Variants in FLOT1 observed in about 807,000 individuals in gnomAD.
FLOT1 encodes the protein flotillin-1.
Under a neutral mutation model 58.4 loss-of-function variants are expected in FLOT1, and 40 were observed. That is an observed-to-expected ratio of 0.69 (90% CI 0.53 to 0.89). The LOEUF is 0.89. Ranked by LOEUF, FLOT1 falls within the 40% of genes least tolerant of loss-of-function variation. FLOT1 has a pLI of 0.00. For synonymous variants in FLOT1, 178 were observed against 204.2 expected, an observed-to-expected ratio of 0.87 and a Z score of 1.09; for missense variants, 423 against 540.8, an observed-to-expected ratio of 0.78 and a Z score of 2.16.
intron 8 of FLOT1, among the ~76,000 whole-genome samples, chr6:30,731,612 C>A (rs977130420): frequency 5.3e-5 from 8 of 152,114 alleles, no homozygotes; most frequent in Non-Finnish European, 8.8e-5. Flanking sequence ...CCCACGTGTG[C>A]CCCCTTCTAG....
rs1562187976 is a variant in FLOT1, at chr6:30,737,211, TCCGTCCGTCCGTCCGTCC to T, written c.723+2929_723+2946del. 5.3e-5 allele frequency among the ~76,000 whole-genome samples: 4 copies of T among 76,176 alleles called. No individual in the cohort carries two copies. The highest frequency in any genetic ancestry group is 1.8e-4 in the African/African-American group (4 of 21,744). The allele number at this position is 76,176 out of a possible 152,430, so 50.0% of individuals were successfully genotyped here. A position where few individuals can be genotyped will look rare whatever the true frequency, so the allele number is the denominator to read the frequency against. ...TGACTGACTGACTGACTGTCTGTCG[TCCGTCCGTCCGTCCGTCC>T]GTCCGTCCGTCCGTCCGTCCATCCG... On this transcript the variant is annotated intron_variant, in intron 8 of 12. Transcript: ENST00000376389. The surrounding 1 kb of genome is among the most constrained non-coding windows in gnomAD (Gnocchi z 4.4).
intron 8 of FLOT1, 40 bp from the exon 9 acceptor site, chr6:30,731,140 G>A: frequency 6.5e-7 from 1 of 1,546,082 alleles, no homozygotes; most frequent in Non-Finnish European, 8.7e-7. Context: ...CTCTGAGTCA[G>A]AGGTGAAGAG....
chr6:30,733,476 C>T (rs918731853), intron 8 of FLOT1, among the ~76,000 whole-genome samples: 10 of 152,102 alleles, frequency 6.6e-5, no homozygotes, highest in Admixed American at 6.6e-4. Flanking sequence ...CATGGTGGCT[C>T]ATGCCTGTCA....
In FLOT1 at chr6:30,742,647, G is replaced by C. The variant is rs925418509; in HGVS notation, c.-135C>G. 12 of 175,506 alleles carry C rather than the reference G, an allele frequency of 6.8e-5. No homozygotes were observed. The highest frequency in any genetic ancestry group is 2.9e-4 in the African/African-American group (12 of 41,612). The allele number at this position is 175,506 out of a possible 1,614,324, so 10.9% of individuals were successfully genotyped here. ...TTTCCTGGGAGCTGGCCCCGCTCCC[G>C]CGTTCCCCACCCTGCCGCACCCCGT... On this transcript the variant is annotated 5_prime_UTR_variant, in exon 1 of 13. Transcript: ENST00000376389. The surrounding 1 kb of genome is among the most constrained non-coding windows in gnomAD (Gnocchi z 5.2).
Position 30,740,176 on chromosome 6 carries a change from G to T in FLOT1, c.705C>A (p.Asp235Glu), listed in dbSNP as rs775561716. Residue 235 changes from aspartate (D) to glutamate (E), a missense_variant, in exon 8 of 13, where the codon GAC (aspartate) becomes GAA (glutamate). Around this residue, in one of 6 missense-constraint regions of FLOT1, gnomAD observed 137 missense variants for 194.6 expected, o/e 0.70. Coordinates refer to ENST00000376389, the MANE Select transcript of FLOT1 (RefSeq NM_005803.4). ...IEVNTRRAQA[D>E]LAYQLQVAKT... Reference sequence around the variant, plus strand: ...CTCTGACCTGAAGCTGATAGGCCAGGTCAGCCTGTGCTCGGCGGGTGTTGA... The same window carrying T: ...CTCTGACCTGAAGCTGATAGGCCAGTTCAGCCTGTGCTCGGCGGGTGTTGA... The T allele has an allele frequency of 6.2e-7, 1 of 1,613,040 alleles. No homozygotes were observed. Among genetic ancestry groups the T allele is most frequent in the Non-Finnish European group, 8.5e-7 (1 of 1,180,014 alleles).
intron 8 of FLOT1, among the ~76,000 whole-genome samples, chr6:30,731,485 CAAAAAAAAAA>C (rs35667527): frequency 1.2e-5 from 1 of 83,788 alleles, no homozygotes; most frequent in Non-Finnish European, 2.3e-5. Flanking sequence ...ACTCCATCTC[CAAAAAAAAAA>C]AAAAAAAAAA....
chr6:30,733,162 T>C (rs1292308625), intron 8 of FLOT1, among the ~76,000 whole-genome samples: 1 of 151,932 alleles, frequency 6.6e-6, no homozygotes, highest in East Asian at 1.9e-4. Flanking sequence ...CAGCCTCCCA[T>C]GTATCTGGGA....
chr6:30,740,997 G>T, intron 5 of FLOT1, 193 bp downstream of exon 5: 1 of 1,066,800 alleles, frequency 9.4e-7, no homozygotes, highest in Non-Finnish European at 1.3e-6. Context: ...AGGTTGGCTA[G>T]GCTGGTCTCG....
At position 30,741,616 on chromosome 6, in the gene FLOT1, G is replaced by A. The variant is rs1777987976; in HGVS notation, c.208C>T (p.Gln70Ter). ...GVPISVTGIA[Q>*]VKIQGQNKEM... The stretch of plus-strand genomic sequence containing the variant: ...GGAAAAGGCTCTGAAAGCTTCACCT[G>A]GGCAATGCCAGTGACTGAGATGGGG... The change falls in exon 4 of 13, where the codon CAG becomes TAG. Residue 70 changes from glutamine to a stop codon, truncating the protein, a stop_gained and splice_region_variant. Transcript: ENST00000376389. LOFTEE classifies it high-confidence loss of function. This position sits in a 1 kb window ranked among gnomAD's most constrained non-coding sequence, Gnocchi z 5.9. 1.9e-6 allele frequency: 3 copies of A among 1,609,036 alleles called. No homozygotes were observed. The highest frequency in any genetic ancestry group is 2.5e-6 in the Non-Finnish European group (3 of 1,176,622).
intron 5 of FLOT1, 58 bp from the exon 6 acceptor site, chr6:30,740,856 T>TG (rs9281028): frequency 1.4e-5 from 22 of 1,519,762 alleles, no homozygotes; most frequent in Middle Eastern, 2.3e-4. Context: ...TTTTTTTTTT[T>TG]GCTCACTGCA....
Position 30,742,366 on chromosome 6 carries a change from C to G in FLOT1, c.-15+161G>C, listed in dbSNP as rs773451793. 9 of 633,500 alleles carry G rather than the reference C, an allele frequency of 1.4e-5. No homozygotes were observed. Among genetic ancestry groups the G allele is most frequent in the Non-Finnish European group, 2.6e-5 (9 of 350,252 alleles). The allele number at this position is 633,500 out of a possible 1,614,324, so 39.2% of individuals were successfully genotyped here. On this transcript the variant is annotated intron_variant, in intron 1 of 12. Transcript: ENST00000376389. This position sits in a 1 kb window ranked among gnomAD's most constrained non-coding sequence, Gnocchi z 5.2. ...CGCTAAGGCTTTTCCCTACAAAATC[C>G]TTAAGATCCCCAGCTACCTCTTCTC...
rs186182091 is a variant in FLOT1 at position 30,730,745 on chromosome 6, G to A, written c.906-18C>T. On this transcript the variant is annotated intron_variant, in intron 9 of 12. Transcript: ENST00000376389. ...GTTGGGACCTGTGGACAGAAGGGAA[G>A]TGGAGGGTGGAGCCCAGCAGCCCTT... The A allele has an allele frequency of 2.5e-6, 4 of 1,612,950 alleles. No homozygotes were observed. The highest frequency in any genetic ancestry group is 2.7e-5 in the African/African-American group (2 of 75,054).
intron 8 of FLOT1, among the ~76,000 whole-genome samples, chr6:30,731,737 T>G (rs1777220160): frequency 6.6e-6 from 1 of 152,228 alleles, no homozygotes; most frequent in African/African-American, 2.4e-5. Context: ...GCTACTGCAA[T>G]AGCTGACTTA....
At chr6:30,730,396 C>T in intron 11 of FLOT1, 32 bp downstream of exon 11, 6 of 1,541,956 alleles carry the variant, frequency 3.9e-6, no homozygotes, top group Non-Finnish European at 5.2e-6. Flanking sequence ...GTTCTATTTC[C>T]TCCTTTCTTG....
At chr6:30,728,943 G>A (rs567032722) in intron 12 of FLOT1, among the ~76,000 whole-genome samples, 8 of 151,954 alleles carry the variant, frequency 5.3e-5, no homozygotes, top group African/African-American at 1.2e-4. Context: ...CGCCACGCCC[G>A]GCTGTTTTGT....
chr6:30,729,983 A>T (rs755765194), intron 12 of FLOT1, 39 bp downstream of exon 12: 7 of 1,593,356 alleles, frequency 4.4e-6, no homozygotes, highest in African/African-American at 1.4e-5. Context: ...ACAACACAGG[A>T]ACCTAGCAAT....
Position 30,727,831 on chromosome 6 carries a change from CA to C in FLOT1, c.*284del. On this transcript the variant is annotated 3_prime_UTR_variant, in exon 13 of 13. Transcript: ENST00000376389. Reference sequence around the variant, plus strand: ...AGGAAAATATTCTAGACAACAGGCTCAAACAGTCTGATTTAATTAGGAAGTT... The same window carrying C: ...AGGAAAATATTCTAGACAACAGGCTCAACAGTCTGATTTAATTAGGAAGTT... 1 of 577,262 alleles carries C rather than the reference CA, an allele frequency of 1.7e-6. No individual in the cohort carries two copies. Among genetic ancestry groups the C allele is most frequent in the Non-Finnish European group, 3.1e-6 (1 of 322,870 alleles). 35.8% of individuals were successfully genotyped at this position (577,262 alleles called of 1,614,324 possible).
At chr6:30,729,560 T>C (rs1776999870) in intron 12 of FLOT1, among the ~76,000 whole-genome samples, 2 of 152,330 alleles carry the variant, frequency 1.3e-5, no homozygotes, top group African/African-American at 2.4e-5. Flanking sequence ...CTAGCAGGCA[T>C]TGTAGCTAGG....
Position 30,733,096 on chromosome 6 carries a change from C to T in FLOT1, c.724-1996G>A, listed in dbSNP as rs143573118. Among the ~76,000 whole-genome samples, 79 of 152,220 alleles carry T rather than the reference C, an allele frequency of 5.2e-4. 1 individual carries two copies. In the East Asian group the frequency reaches 0.014, roughly 27 times the overall value. ...TGGCACCCAGGCTGGAGTGCAGTGACGCAGTCTTGGCTCACTGCAATCTCC... is the reference window on the plus strand; with the variant it reads ...TGGCACCCAGGCTGGAGTGCAGTGATGCAGTCTTGGCTCACTGCAATCTCC... On this transcript the variant is annotated intron_variant, in intron 8 of 12. Coordinates refer to ENST00000376389, the MANE Select transcript of FLOT1 (RefSeq NM_005803.4).
Sources: gnomAD v4.1 joint callset for allele counts (sites outside exome capture counted in the v4.1 genomes callset) on GRCh38, gnomAD v4.1.1 for gene constraint, gnomAD v4.1.1 regional missense constraint, Gnocchi (gnomAD v3.1) non-coding constraint, MANE v1.5 for transcripts, NCBI Gene and HGNC (gene_info 2026-07-23, HGNC 2026-07-21) for gene names.